SLC1A1: variants seen among roughly 807,000 people sequenced by gnomAD.
SLC1A1 encodes the protein excitatory amino acid transporter 3.
SLC1A1 carries 43 observed loss-of-function variants against 53.3 expected under a neutral mutation model. That is an observed-to-expected ratio of 0.81 (90% CI 0.63 to 1.04). SLC1A1 has a LOEUF of 1.04. SLC1A1 is among the 50% of genes least tolerant of loss of function. The pLI, the probability that SLC1A1 is intolerant of heterozygous loss-of-function variation, is 0.00. For synonymous variants in SLC1A1, 307 were observed against 243.2 expected, an observed-to-expected ratio of 1.26 and a Z score of -2.44; for missense variants, 748 against 664.9, an observed-to-expected ratio of 1.12 and a Z score of -1.37.
rs574087346 is a variant in SLC1A1 at position 4,522,652 on chromosome 9, G to A, written c.92-21915G>A. ...TTCTGCGTGGCTGGGGAGGCCTCAG[G>A]AAACTTACAATCATGGCAAAAGGGG... On this transcript the variant is annotated intron_variant, in intron 1 of 11. Transcript: ENST00000262352. Among the ~76,000 whole-genome samples, 5 of 152,268 alleles carry A rather than the reference G, an allele frequency of 3.3e-5. No homozygotes were observed. The South Asian group carries it at 1.0e-3, about 32-fold the overall frequency.
At chr9:4,498,460 C>T (rs17811505) in intron 1 of SLC1A1, among the ~76,000 whole-genome samples, 5,136 of 152,042 alleles carry the variant, frequency 0.034, 141 homozygotes, top group South Asian at 0.061. Context: ...ATAGTTTCTT[C>T]AAAATGACAG....
chr9:4,494,112 C>T (rs1172494736), intron 1 of SLC1A1, among the ~76,000 whole-genome samples: 1 of 150,360 alleles, frequency 6.7e-6, no homozygotes, highest in Non-Finnish European at 1.5e-5. Context: ...ACTAGAAACA[C>T]TTTCACGGCT....
chr9:4,552,778 T>G (rs1818040879), intron 2 of SLC1A1, among the ~76,000 whole-genome samples: 1 of 151,486 alleles, frequency 6.6e-6, no homozygotes, highest in South Asian at 2.1e-4. Flanking sequence ...AAAATATGGA[T>G]AATAATAATG....
At position 4,572,280 on chromosome 9, in the gene SLC1A1, T is replaced by C; in HGVS notation, c.659T>C (p.Leu220Pro). The C allele has an allele frequency of 6.2e-7, 1 of 1,614,100 alleles. No homozygotes were observed. The highest frequency in any genetic ancestry group is 1.1e-5 in the South Asian group (1 of 91,082). ...GTCCTGGGCTTGATTGTCTTTTGCC[T>C]TGTCTTTGGACTTGTCATTGGAAAA... The part of the protein sequence containing the change: ...INVLGLIVFC[L>P]VFGLVIGKMG... The change falls in exon 7 of 12, where the codon CTT becomes CCT. Residue 220 changes from leucine (L) to proline (P), a missense_variant. Transcript: ENST00000262352.
intron 1 of SLC1A1, among the ~76,000 whole-genome samples, chr9:4,514,251 T>G (rs552628339): frequency 6.6e-6 from 1 of 152,294 alleles, no homozygotes; most frequent in African/African-American, 2.4e-5. Flanking sequence ...TGTCCAGCAT[T>G]TGCAAGAGAG....
intron 1 of SLC1A1, among the ~76,000 whole-genome samples, chr9:4,518,150 T>C (rs1025404555): frequency 6.8e-6 from 1 of 146,134 alleles, no homozygotes; most frequent in African/African-American, 2.5e-5. Context: ...GCAGGAGAAT[T>C]GCTGAACCTG....
chr9:4,545,944 G>A (rs1329862181), intron 2 of SLC1A1, among the ~76,000 whole-genome samples: 1 of 152,164 alleles, frequency 6.6e-6, no homozygotes, highest in African/African-American at 2.4e-5. Flanking sequence ...TGAAAATCAA[G>A]GTTTTATGTA....
At chr9:4,555,930 T>C (rs1586777931) in intron 2 of SLC1A1, among the ~76,000 whole-genome samples, 1 of 152,090 alleles carries the variant, frequency 6.6e-6, no homozygotes, top group Non-Finnish European at 1.5e-5. Context: ...TCGTAAACTA[T>C]AGTTAGAGCA....
chr9:4,527,541 G>C (rs993788518), intron 1 of SLC1A1, among the ~76,000 whole-genome samples: 2 of 152,084 alleles, frequency 1.3e-5, no homozygotes, highest in African/African-American at 4.8e-5. Flanking sequence ...GACTGTTATG[G>C]TATACTACAT....
At position 4,535,858 on chromosome 9, in the gene SLC1A1, G is replaced by A. The variant is rs574345925; in HGVS notation, c.92-8709G>A. On this transcript the variant is annotated intron_variant, in intron 1 of 11. Coordinates refer to ENST00000262352, the MANE Select transcript of SLC1A1 (RefSeq NM_004170.6). ...ACAGCATGGTACTGGTGCCAAAACA[G>A]AGATATAGACCAATGGAAAGAAATA... 1.2e-3 allele frequency among the ~76,000 whole-genome samples: 190 copies of A among 152,226 alleles called. 1 individual carries two copies. Among genetic ancestry groups the A allele is most frequent in the African/African-American group, 4.2e-3 (176 of 41,538 alleles).
chr9:4,526,612 G>A (rs1413684311), intron 1 of SLC1A1, among the ~76,000 whole-genome samples: 1 of 152,138 alleles, frequency 6.6e-6, no homozygotes, highest in Non-Finnish European at 1.5e-5. Flanking sequence ...CGTGGTGGAT[G>A]TATACATGTT....
Position 4,535,600 on chromosome 9 carries a change from G to A in SLC1A1, c.92-8967G>A, listed in dbSNP as rs1171998595. ...AAGAACATTCCATGCTCATGGGTAGGAAGAATCAATATTGTGAAAACGGCC... is the reference window on the plus strand; with the variant it reads ...AAGAACATTCCATGCTCATGGGTAGAAAGAATCAATATTGTGAAAACGGCC... On this transcript the variant is annotated intron_variant, in intron 1 of 11. Coordinates refer to ENST00000262352, the MANE Select transcript of SLC1A1 (RefSeq NM_004170.6). 2.0e-5 allele frequency among the ~76,000 whole-genome samples: 3 copies of A among 152,260 alleles called. 1 individual carries two copies. In the East Asian group the frequency reaches 5.8e-4, roughly 29 times the overall value.
chr9:4,570,478 T>TC (rs60967695), intron 6 of SLC1A1, among the ~76,000 whole-genome samples: 72,900 of 151,338 alleles, frequency 0.48, 18,357 homozygotes, highest in African/African-American at 0.62. Flanking sequence ...TTCAAGCAAT[T>TC]TTCTGCCTCA....
At chr9:4,538,101 G>A (rs914570955) in intron 1 of SLC1A1, among the ~76,000 whole-genome samples, 1 of 152,124 alleles carries the variant, frequency 6.6e-6, no homozygotes, top group African/African-American at 2.4e-5. Flanking sequence ...GTATATCTGA[G>A]ACAGGTCTCA....
At chr9:4,539,277 G>A (rs899020557) in intron 1 of SLC1A1, among the ~76,000 whole-genome samples, 1 of 152,184 alleles carries the variant, frequency 6.6e-6, no homozygotes, top group Non-Finnish European at 1.5e-5. Context: ...TGGAAAAAAC[G>A]AGAGAGGGAG....
intron 2 of SLC1A1, among the ~76,000 whole-genome samples, chr9:4,555,626 G>A (rs1196837899): frequency 2.6e-5 from 4 of 152,292 alleles, no homozygotes; most frequent in Admixed American, 2.6e-4. Flanking sequence ...GGACAACCGG[G>A]GATTTTATCC....
rs778300531 is a variant in SLC1A1, at chr9:4,572,408, T to C, written c.767+20T>C. 1.3e-5 allele frequency: 21 copies of C among 1,606,364 alleles called. No individual in the cohort carries two copies. Among genetic ancestry groups the C allele is most frequent in the Non-Finnish European group, 1.4e-5 (17 of 1,173,092 alleles). Reference sequence around the variant, plus strand: ...CATGTGGTGAGCAGACACTGTTTAATGTCATTTTGCTTCCCCTGACAATTC... The same window carrying C: ...CATGTGGTGAGCAGACACTGTTTAACGTCATTTTGCTTCCCCTGACAATTC... On this transcript the variant is annotated intron_variant, in intron 7 of 11. Coordinates refer to ENST00000262352, the MANE Select transcript of SLC1A1 (RefSeq NM_004170.6).
intron 1 of SLC1A1, among the ~76,000 whole-genome samples, chr9:4,524,290 A>C (rs374507335): frequency 6.6e-6 from 1 of 152,236 alleles, no homozygotes; most frequent in African/African-American, 2.4e-5. Flanking sequence ...GTAAGGAATA[A>C]ATAATTGATG....
intron 10 of SLC1A1, among the ~76,000 whole-genome samples, chr9:4,582,043 G>T (rs749582034): frequency 2.0e-5 from 3 of 152,178 alleles, no homozygotes; most frequent in Non-Finnish European, 4.4e-5. Context: ...CAACAGTTCA[G>T]GCCTTGGCCC....
Sources: gnomAD v4.1 joint callset for allele counts (sites outside exome capture counted in the v4.1 genomes callset) on GRCh38, gnomAD v4.1.1 for gene constraint, MANE v1.5 for transcripts, NCBI Gene and HGNC (gene_info 2026-07-23, HGNC 2026-07-21) for gene names.